GPHN: variants seen among roughly 807,000 people sequenced by gnomAD.
GPHN encodes the protein gephyrin.
In GPHN, 17 loss-of-function variants were observed where a neutral mutation model predicts 95.5. That is an observed-to-expected ratio of 0.18 (90% CI 0.12 to 0.27). GPHN has a LOEUF of 0.27. GPHN is among the 10% of genes least tolerant of loss of function. The probability of loss-of-function intolerance (pLI) is 1.00; values close to 1 mark genes in which losing one functional copy is unlikely to be tolerated. For missense variants in GPHN, 660 were observed against 978.1 expected (o/e 0.67, Z 4.34); for synonymous variants, 320 against 322.5 (o/e 0.99, Z 0.08).
At chr14:67,064,549 A>G (rs1246788055) in intron 11 of GPHN, among the ~76,000 whole-genome samples, 1 of 152,200 alleles carries the variant, frequency 6.6e-6, no homozygotes, top group African/African-American at 2.4e-5. Flanking sequence ...TTTGGCTGTG[A>G]ATCCATCTGG....
the GPHN span, among the ~76,000 whole-genome samples, chr14:67,485,021 C>T: frequency 3.7e-4 from 57 of 152,214 alleles, no homozygotes; most frequent in African/African-American, 1.4e-3. Flanking sequence ...ACAGTTGTTT[C>T]CCATTTCTAC....
At chr14:66,523,284 A>T (rs565685959) in intron 1 of GPHN, among the ~76,000 whole-genome samples, 18 of 152,210 alleles carry the variant, frequency 1.2e-4, no homozygotes, top group Non-Finnish European at 2.5e-4. Flanking sequence ...AGACCTTAGA[A>T]AAAATTATAT....
At chr14:67,294,247 G>A in the GPHN span, 3 of 152,254 alleles carry the variant, frequency 2.0e-5, no homozygotes, top group East Asian at 5.8e-4. Context: ...GAACGTGAAT[G>A]GTTTCCCCTG....
At chr14:66,981,005 C>T (rs6573741) in intron 9 of GPHN, among the ~76,000 whole-genome samples, 41,092 of 152,082 alleles carry the variant, frequency 0.27, 9,474 homozygotes, top group African/African-American at 0.6. Flanking sequence ...GCCGAGATTG[C>T]GCCATTACAT....
At chr14:67,141,462 A>G (rs2080453496) in intron 17 of GPHN, among the ~76,000 whole-genome samples, 1 of 152,230 alleles carries the variant, frequency 6.6e-6, no homozygotes, top group African/African-American at 2.4e-5. Flanking sequence ...CAGCAATAGT[A>G]ATGACATATG....
At chr14:66,593,953 T>C (rs1426109821) in intron 1 of GPHN, among the ~76,000 whole-genome samples, 1 of 152,150 alleles carries the variant, frequency 6.6e-6, no homozygotes, top group Non-Finnish European at 1.5e-5. Context: ...CTGTTAAAAT[T>C]GATTAATAAA....
chr14:66,941,505 C>T (rs998170932), intron 8 of GPHN, among the ~76,000 whole-genome samples: 1 of 152,030 alleles, frequency 6.6e-6, no homozygotes, highest in African/African-American at 2.4e-5. Flanking sequence ...CCAGGATAAA[C>T]TTGGAGATCC....
At chr14:67,572,090 G>C in the GPHN span, 12 of 1,578,666 alleles carry the variant, frequency 7.6e-6, no homozygotes, top group South Asian at 1.2e-5. Context: ...TGCGTGAGTC[G>C]GGGAGGTGTG....
At chr14:67,460,046 A>G in the GPHN span, among the ~76,000 whole-genome samples, 4 of 152,224 alleles carry the variant, frequency 2.6e-5, no homozygotes, top group African/African-American at 4.8e-5. Context: ...ATACAGAGAA[A>G]TGTGTATCAG....
intron 2 of GPHN, among the ~76,000 whole-genome samples, chr14:66,699,656 G>A (rs1384220025): frequency 6.6e-6 from 1 of 152,118 alleles, no homozygotes; most frequent in Non-Finnish European, 1.5e-5. Flanking sequence ...TGCAAGACCA[G>A]TAATGATCTG....
chr14:67,288,320 G>A, the GPHN span, among the ~76,000 whole-genome samples: 2 of 152,094 alleles, frequency 1.3e-5, no homozygotes, highest in African/African-American at 4.8e-5. Context: ...GACCTCAGGT[G>A]ATCTGCCCTC....
At chr14:67,047,923 G>A (rs763128733) in intron 10 of GPHN, among the ~76,000 whole-genome samples, 8 of 152,170 alleles carry the variant, frequency 5.3e-5, no homozygotes, top group Non-Finnish European at 1.2e-4. Flanking sequence ...TCACGCAACT[G>A]CACTCCAGCC....
At chr14:67,390,541 CAG>C in the GPHN span, 6 of 759,964 alleles carry the variant, frequency 7.9e-6, no homozygotes, top group Non-Finnish European at 1.4e-5. Context: ...CATGGTGCAG[CAG>C]ACTTTACGGC....
At chr14:66,585,942 C>G (rs1018059152) in intron 1 of GPHN, among the ~76,000 whole-genome samples, 8 of 151,996 alleles carry the variant, frequency 5.3e-5, no homozygotes, top group Non-Finnish European at 1.0e-4. Flanking sequence ...CCTGGATATC[C>G]TTGTTAACTT....
the GPHN span, chr14:67,619,944 G>C: frequency 1.4e-5 from 21 of 1,450,250 alleles, no homozygotes; most frequent in Non-Finnish European, 1.9e-5. Context: ...ACCGCGCGGA[G>C]CCTCTGCCTT....
the GPHN span, among the ~76,000 whole-genome samples, chr14:67,439,586 T>TTTCTTTCTTTCTTTCTTTCTTTCTTTC: frequency 7.2e-6 from 1 of 139,536 alleles, no homozygotes; most frequent in Non-Finnish European, 1.5e-5. Context: ...TCTTTCTTTC[T>TTTCTTTCTTTCTTTCTTTCTTTCTTTC]TTCTTTCTTC....
intron 5 of GPHN, among the ~76,000 whole-genome samples, chr14:66,905,879 C>T (rs1412939579): frequency 2.0e-5 from 3 of 151,990 alleles, no homozygotes; most frequent in Non-Finnish European, 2.9e-5. Context: ...CCTCCAGGTA[C>T]GTCCATGTTG....
chr14:67,643,883 G>C, the GPHN span, among the ~76,000 whole-genome samples: 15 of 85,698 alleles, frequency 1.8e-4, no homozygotes, highest in Non-Finnish European at 2.6e-4. Context: ...AAAAAAAAAA[G>C]ACTCAGGTTG....
At chr14:67,390,503 A>G in the GPHN span, among the ~76,000 whole-genome samples, 1 of 152,238 alleles carries the variant, frequency 6.6e-6, no homozygotes, top group Non-Finnish European at 1.5e-5. Flanking sequence ...ATGACAGGGC[A>G]GAGCAGCTTG....
Sources: allele counts gnomAD v4.1 joint callset (sites outside exome capture counted in the v4.1 genomes callset), GRCh38; gene constraint gnomAD v4.1.1; transcripts MANE v1.5; gene names NCBI Gene and HGNC (gene_info 2026-07-23, HGNC 2026-07-21).